The following SIRPB1 variants were observed in gnomAD, a reference collection of about 807,000 sequenced individuals.
SIRPB1 encodes the protein signal regulatory protein beta 1, also known as signal-regulatory protein beta-1.
A neutral mutation model predicts 34.1 loss-of-function variants in SIRPB1; 28 were observed. The ratio of observed to expected loss-of-function variants is 0.82; its 90% confidence interval spans 0.61 to 1.12. SIRPB1 has a LOEUF of 1.12. SIRPB1 is among the 50% of genes most tolerant of loss of function. The pLI, the probability that SIRPB1 is intolerant of heterozygous loss-of-function variation, is 0.00. For synonymous variants in SIRPB1, 211 were observed against 203.8 expected, an observed-to-expected ratio of 1.04 and a Z score of -0.30; for missense variants, 499 against 507.0, an observed-to-expected ratio of 0.98 and a Z score of 0.15.
chr20:1,617,428 C>G (rs2091645847), intron 1 of SIRPB1, among the ~76,000 whole-genome samples: 1 of 152,020 alleles, frequency 6.6e-6, no homozygotes. Context: ...GTAAAATAAG[C>G]CAGGCACAGA....
rs757732984 is a variant in SIRPB1, at chr20:1,619,947, T to TAA, written c.-4_-3insTT. On this transcript the variant is annotated 5_prime_UTR_variant, in exon 1 of 6. Coordinates refer to ENST00000381605, the MANE Select transcript of SIRPB1 (RefSeq NM_006065.5). ...GGCCAGGAGGCTGGCACGGGCATTC[T>TAA]GGAGACCTTAGGAGCCTGCTCTGTC... 1 of 1,613,340 alleles carries TAA rather than the reference T, an allele frequency of 6.2e-7. No individual in the cohort carries two copies. Among genetic ancestry groups the TAA allele is most frequent in the South Asian group, 1.1e-5 (1 of 91,056 alleles).
chr20:1,570,902 G>A lies in SIRPB1; in HGVS notation c.987C>T (p.Thr329=). 6.2e-7 allele frequency: 1 copy of A among 1,614,202 alleles called. No individual in the cohort carries two copies. Among genetic ancestry groups the A allele is most frequent in the South Asian group, 1.1e-5 (1 of 91,090 alleles). ...TCAHRDDVVL[T]CQVEHDGQQA... ...GCTGCCCATCATGCTCCACCTGACA[G>A]GTGAGCACCACATCGTCCCTGTGGG... The change falls in exon 4 of 6, where the codon ACC becomes ACT. Residue 329 remains threonine, a synonymous_variant. Coordinates refer to ENST00000381605, the MANE Select transcript of SIRPB1 (RefSeq NM_006065.5).
intron 1 of SIRPB1, chr20:1,611,569 C>G (rs41289057): frequency 0.3 from 248,727 of 819,170 alleles, 99,203 homozygotes; most frequent in East Asian, 0.74. Context: ...TAATTCCCGG[C>G]CTGGTCCAGC....
In SIRPB1 at chr20:1,565,091, C is replaced by A. The variant is rs1161935603; in HGVS notation, c.*409G>T. 7.5e-6 allele frequency: 3 copies of A among 398,536 alleles called. No individual in the cohort carries two copies. Among genetic ancestry groups the A allele is most frequent in the Non-Finnish European group, 1.3e-5 (3 of 226,080 alleles). The allele number at this position is 398,536 out of a possible 1,614,324, so 24.7% of individuals were successfully genotyped here. Reference sequence around the variant, plus strand: ...ATTGGTATAGGGGTTCATGTGTATTCAGGAGGCAGTAGAGAACCTCAACAA... The same window carrying A: ...ATTGGTATAGGGGTTCATGTGTATTAAGGAGGCAGTAGAGAACCTCAACAA... On this transcript the variant is annotated 3_prime_UTR_variant, in exon 6 of 6. Transcript: ENST00000381605.
intron 1 of SIRPB1, among the ~76,000 whole-genome samples, chr20:1,579,541 G>A (rs1242009966): frequency 6.7e-6 from 1 of 148,516 alleles, no homozygotes; most frequent in Non-Finnish European, 1.5e-5. Flanking sequence ...CTGCTCCATC[G>A]CCTGGATGCG....
At chr20:1,618,611 T>C (rs2091664392) in intron 1 of SIRPB1, among the ~76,000 whole-genome samples, 1 of 152,214 alleles carries the variant, frequency 6.6e-6, no homozygotes, top group Admixed American at 6.5e-5. Flanking sequence ...ATTTGAAAAG[T>C]GAGACCCCTG....
Position 1,586,665 on chromosome 20 carries a change from G to A in SIRPB1, c.77-7971C>T, listed in dbSNP as rs1053712460. 4.1e-5 allele frequency among the ~76,000 whole-genome samples: 2 copies of A among 48,878 alleles called. 1 individual carries two copies. The highest frequency in any genetic ancestry group is 2.7e-4 in the Admixed American group (2 of 7,360). 32.1% of individuals were successfully genotyped at this position (48,878 alleles called of 152,430 possible). On this transcript the variant is annotated intron_variant, in intron 1 of 5. Coordinates refer to ENST00000381605, the MANE Select transcript of SIRPB1 (RefSeq NM_006065.5). The stretch of plus-strand genomic sequence containing the variant: ...ACCCTATTGTGAACTGTGCATGCGA[G>A]GGATCTAGGTTGTGTGCTCCTTATG...
At chr20:1,571,665 G>T in intron 3 of SIRPB1, 55 bp downstream of exon 3, 2 of 1,611,886 alleles carry the variant, frequency 1.2e-6, no homozygotes, top group Non-Finnish European at 1.7e-6. Context: ...CTGGGGAGAG[G>T]GGAGTGGGCT....
chr20:1,604,215 C>A lies in SIRPB1; in HGVS notation c.76+15654G>T. 2 of 482,082 alleles carry A rather than the reference C, an allele frequency of 4.1e-6. 1 individual carries two copies. Among genetic ancestry groups the A allele is most frequent in the Non-Finnish European group, 5.7e-6 (2 of 349,506 alleles). The allele number at this position is 482,082 out of a possible 1,614,324, so 29.9% of individuals were successfully genotyped here. On this transcript the variant is annotated intron_variant, in intron 1 of 5. Transcript: ENST00000381605. ...CCAGGGAGGGCTCCATAACGTAGCT[C>A]CCCCACCACGGTGAGGGCATCACCA...
rs1225287074 is a variant in SIRPB1, at chr20:1,619,961, G to A, written c.-17C>T. 1.9e-6 allele frequency: 3 copies of A among 1,610,508 alleles called. No individual in the cohort carries two copies. The African/African-American group carries it at 4.0e-5, about 22-fold the overall frequency. On this transcript the variant is annotated 5_prime_UTR_variant, in exon 1 of 6. Coordinates refer to ENST00000381605, the MANE Select transcript of SIRPB1 (RefSeq NM_006065.5). The stretch of plus-strand genomic sequence containing the variant: ...CACGGGCATTCTGGAGACCTTAGGA[G>A]CCTGCTCTGTCCAAACGTCTGTGCT...
chr20:1,582,066 A>C lies in SIRPB1; in HGVS notation c.77-3372T>G, dbSNP rs2091397094. ...GCCTGTGGCAACATATTCTTCATTTACAAATTTTACTTACAAATTAAAATC... is the reference window on the plus strand; with the variant it reads ...GCCTGTGGCAACATATTCTTCATTTCCAAATTTTACTTACAAATTAAAATC... On this transcript the variant is annotated intron_variant, in intron 1 of 5. Coordinates refer to ENST00000381605, the MANE Select transcript of SIRPB1 (RefSeq NM_006065.5). Among the ~76,000 whole-genome samples the C allele has an allele frequency of 4.1e-5, 2 of 49,250 alleles. 1 individual carries two copies. Among genetic ancestry groups the C allele is most frequent in the South Asian group, 1.4e-3 (2 of 1,388 alleles). The allele number at this position is 49,250 out of a possible 152,430, so 32.3% of individuals were successfully genotyped here.
rs1219748076 is a variant in SIRPB1, at chr20:1,561,406, T to A, written c.*4094A>T. Among the ~76,000 whole-genome samples the A allele has an allele frequency of 2.0e-5, 2 of 99,692 alleles. No individual in the cohort carries two copies. Among genetic ancestry groups the A allele is most frequent in the Non-Finnish European group, 2.7e-5 (1 of 36,914 alleles). 65.4% of individuals were successfully genotyped at this position (99,692 alleles called of 152,430 possible). ...ATTATGATTAATCAAAGTTCATAGT[T>A]TATTTAGATCTTTTCTTTTTACCTA... On this transcript the variant is annotated 3_prime_UTR_variant, in exon 6 of 6. Coordinates refer to ENST00000381605, the MANE Select transcript of SIRPB1 (RefSeq NM_006065.5).
chr20:1,616,934 C>A (rs911983482), intron 1 of SIRPB1, among the ~76,000 whole-genome samples: 3 of 152,058 alleles, frequency 2.0e-5, no homozygotes, highest in Non-Finnish European at 4.4e-5. Flanking sequence ...GCCATCAGAC[C>A]TATAAAAATA....
chr20:1,571,209 C>T (rs2091231133), intron 3 of SIRPB1, 72 bp from the exon 4 acceptor site: 6 of 1,439,656 alleles, frequency 4.2e-6, no homozygotes. Flanking sequence ...AATAACGTAG[C>T]TCCCACCAAC....
At chr20:1,615,191 G>A (rs1328156185) in intron 1 of SIRPB1, among the ~76,000 whole-genome samples, 3 of 152,146 alleles carry the variant, frequency 2.0e-5, no homozygotes, top group Non-Finnish European at 4.4e-5. Flanking sequence ...ACAAATAAAA[G>A]TATCTCTTCT....
At chr20:1,596,667 G>T (rs2091458822) in intron 1 of SIRPB1, among the ~76,000 whole-genome samples, 1 of 49,536 alleles carries the variant, frequency 2.0e-5, no homozygotes, top group Non-Finnish European at 3.9e-5. Flanking sequence ...ACATAGGGAG[G>T]TTTACATAAG....
In SIRPB1 at chr20:1,571,773, G is replaced by A. The variant is rs758569172; in HGVS notation, c.698C>T (p.Thr233Ile). 1.2e-6 allele frequency: 2 copies of A among 1,614,238 alleles called. No homozygotes were observed. Among genetic ancestry groups the A allele is most frequent in the Non-Finnish European group, 1.7e-6 (2 of 1,180,036 alleles). The part of the protein sequence containing the change: ...SQVICEIAHI[T>I]LQGDPLRGTA... ...CCCACGAAGAGGGTCCCCCTGCAAG[G>A]TGATGTGGGCTATCTCGCAGATGAC... Residue 233 changes from threonine (T) to isoleucine (I), a missense_variant, in exon 3 of 6, where the codon ACC (threonine) becomes ATC (isoleucine). Transcript: ENST00000381605.
At position 1,578,624 on chromosome 20, in the gene SIRPB1, C is replaced by T. The variant is rs200282498; in HGVS notation, c.147G>A (p.Ser49=). ...EKSVSVAAGE[S]ATLRCAMTSL... is the part of the protein sequence containing the mutation. ...ACGTCATAGCACAGCGCAGAGTGGC[C>T]GACTCTCCAGCTGCAACTGATACGG... is the stretch of plus-strand genomic sequence containing the variant. Residue 49 remains serine, a synonymous_variant, in exon 2 of 6, where the codon TCG becomes TCA. Transcript: ENST00000381605. The T allele has an allele frequency of 1.9e-5, 30 of 1,584,088 alleles. 1 individual carries two copies. Among genetic ancestry groups the T allele is most frequent in the East Asian group, 8.9e-5 (4 of 44,848 alleles).
rs376340612 is a variant in SIRPB1 at position 1,566,211 on chromosome 20, G to A, written c.1141C>T (p.Leu381=). ...GCAGAGACACCAACCACCAGTAGCA[G>A]CTTGGGGCCCAGGAGGAGAGCTACG... ...LLVALLLGPK[L]LLVVGVSAIY... The change falls in exon 5 of 6, where the codon CTG becomes TTG. Residue 381 remains leucine, a synonymous_variant. Transcript: ENST00000381605. The A allele has an allele frequency of 2.5e-6, 4 of 1,612,438 alleles. No homozygotes were observed. The African/African-American group carries it at 5.3e-5, about 22-fold the overall frequency.
Sources: gnomAD v4.1 joint callset for allele counts (sites outside exome capture counted in the v4.1 genomes callset) on GRCh38, gnomAD v4.1.1 for gene constraint, MANE v1.5 for transcripts, NCBI Gene and HGNC (gene_info 2026-07-23, HGNC 2026-07-21) for gene names.